MCCC1: variants seen among roughly 807,000 people sequenced by gnomAD.
MCCC1 encodes the protein methylcrotonoyl-CoA carboxylase subunit alpha, mitochondrial.
A neutral mutation model predicts 83.8 loss-of-function variants in MCCC1; 64 were observed. That is an observed-to-expected ratio of 0.76 (90% CI 0.62 to 0.94). MCCC1 has a LOEUF of 0.94. Among genes scored for constraint, MCCC1 ranks in the 40% least tolerant of loss-of-function variants. The pLI, the probability that MCCC1 is intolerant of heterozygous loss-of-function variation, is 0.00. For synonymous variants in MCCC1, 322 were observed against 315.4 expected, an observed-to-expected ratio of 1.02 and a Z score of -0.22; for missense variants, 807 against 904.7, an observed-to-expected ratio of 0.89 and a Z score of 1.39.
chr3:183,114,749 G>C (rs2134429), intron 1 of MCCC1, among the ~76,000 whole-genome samples: 135,968 of 152,228 alleles, frequency 0.89, 60,945 homozygotes, highest in Non-Finnish European at 0.93. Flanking sequence ...TTCTGGAAAC[G>C]GAGCAAGGAA....
At chr3:183,073,794 A>T (rs1273847396) in intron 4 of MCCC1, among the ~76,000 whole-genome samples, 2 of 152,244 alleles carry the variant, frequency 1.3e-5, no homozygotes, top group East Asian at 3.8e-4. Flanking sequence ...TTTTCACTTA[A>T]AAGAAGCATT....
intron 4 of MCCC1, among the ~76,000 whole-genome samples, chr3:183,079,997 C>G (rs908227347): frequency 1.3e-5 from 2 of 152,200 alleles, no homozygotes; most frequent in Admixed American, 1.3e-4. Context: ...GACCAAATCC[C>G]TAGACTGTAC....
chr3:183,058,412 T>C (rs1291123482), intron 7 of MCCC1, among the ~76,000 whole-genome samples: 2 of 152,060 alleles, frequency 1.3e-5, no homozygotes, highest in African/African-American at 4.8e-5. Flanking sequence ...ACCCAGGAGT[T>C]CAAGACCAGC....
upstream of MCCC1, among the ~76,000 whole-genome samples, chr3:183,100,728 C>T (rs970399263): frequency 7.2e-5 from 11 of 152,246 alleles, no homozygotes; most frequent in African/African-American, 2.2e-4. Context: ...GATGTGACAG[C>T]GTGCTGGCAG....
exon 1 of MCCC1, chr3:183,115,639 G>A (rs1241681080): frequency 6.6e-6 from 1 of 152,218 alleles, no homozygotes; most frequent in African/African-American, 2.4e-5. Context: ...ATCATCTGAG[G>A]TCAGGAGTTG....
At chr3:183,070,357 C>T (rs942717518) in intron 7 of MCCC1, among the ~76,000 whole-genome samples, 15 of 151,988 alleles carry the variant, frequency 9.9e-5, no homozygotes, top group South Asian at 2.1e-4. Context: ...ATCATAGAAC[C>T]GCTAGGTCAC....
intron 16 of MCCC1, 35 bp from the exon 17 acceptor site, chr3:183,020,272 C>T (rs1421168081): frequency 6.8e-7 from 1 of 1,464,918 alleles, no homozygotes; most frequent in Non-Finnish European, 9.6e-7. Context: ...ACCGAATCAA[C>T]ATCCTATCAC....
upstream of MCCC1, among the ~76,000 whole-genome samples, chr3:183,102,769 T>TG: frequency 2.5e-5 from 2 of 80,078 alleles, no homozygotes; most frequent in Admixed American, 1.3e-4. Context: ...TTTTTTTTTT[T>TG]TTTTTTTTTT....
chr3:183,055,276 G>A (rs1229960873), intron 8 of MCCC1, among the ~76,000 whole-genome samples: 1 of 151,770 alleles, frequency 6.6e-6, no homozygotes. Context: ...GCCGGGTGTG[G>A]TGGTGGGTGC....
chr3:183,025,064 A>C (rs1712475007), intron 15 of MCCC1, among the ~76,000 whole-genome samples: 1 of 152,198 alleles, frequency 6.6e-6, no homozygotes, highest in Admixed American at 6.5e-5. Flanking sequence ...CAAATACTAC[A>C]TTATTCCGCT....
intron 14 of MCCC1, among the ~76,000 whole-genome samples, chr3:183,028,698 G>A (rs750813711): frequency 3.3e-5 from 5 of 152,226 alleles, no homozygotes; most frequent in Non-Finnish European, 7.3e-5. Context: ...AGGGAGCTAG[G>A]ACTAGAAGTG....
intron 18 of MCCC1, among the ~76,000 whole-genome samples, 182 bp from the exon 19 acceptor site, chr3:183,015,748 A>G (rs1221330199): frequency 3.3e-5 from 5 of 152,154 alleles, no homozygotes; most frequent in Non-Finnish European, 2.9e-5. Context: ...CACAGCACAC[A>G]GGGAGAACAG....
intron 1 of MCCC1, among the ~76,000 whole-genome samples, chr3:183,115,032 C>T (rs1719568233): frequency 6.6e-6 from 1 of 152,086 alleles, no homozygotes; most frequent in African/African-American, 2.4e-5. Flanking sequence ...ACCCATCATT[C>T]CCACACTCCC....
At chr3:183,031,808 CTTTT>C (rs36037059) in intron 14 of MCCC1, among the ~76,000 whole-genome samples, 1 of 140,584 alleles carries the variant, frequency 7.1e-6, no homozygotes, top group Non-Finnish European at 1.5e-5. Flanking sequence ...CTTCTGGTAT[CTTTT>C]TTTTTTTTTT....
rs1223257298 is a variant in MCCC1 at position 183,099,479 on chromosome 3, G to C, written c.-39C>G. 5 of 1,573,650 alleles carry C rather than the reference G, an allele frequency of 3.2e-6. No individual in the cohort carries two copies. Among genetic ancestry groups the C allele is most frequent in the Non-Finnish European group, 4.3e-6 (5 of 1,160,492 alleles). On this transcript the variant is annotated 5_prime_UTR_variant, in exon 1 of 19. Coordinates refer to ENST00000265594, the MANE Select transcript of MCCC1 (RefSeq NM_020166.5). ...GGCCACTCCGTGACTCCCCAGTACA[G>C]AGGCAGCTGCGTCCCACACGCCAAA...
intron 2 of MCCC1, among the ~76,000 whole-genome samples, chr3:183,093,628 C>G (rs765741974): frequency 1.2e-4 from 18 of 151,978 alleles, no homozygotes; most frequent in Non-Finnish European, 2.1e-4. Flanking sequence ...CAATAGAATC[C>G]ATAGGCTCAA....
rs961204825 is a variant in MCCC1, at chr3:183,031,647, A to G, written c.1681+2344T>C. On this transcript the variant is annotated intron_variant, in intron 14 of 18. Transcript: ENST00000265594. Reference sequence around the variant, plus strand: ...TGAGTAGCTGGGACTACAGGCGCCCACCACCATGCCTGGCTAATTTTTTGT... The same window carrying G: ...TGAGTAGCTGGGACTACAGGCGCCCGCCACCATGCCTGGCTAATTTTTTGT... Among the ~76,000 whole-genome samples the G allele has an allele frequency of 4.0e-5, 6 of 151,418 alleles. No individual in the cohort carries two copies. In the East Asian group the frequency reaches 7.8e-4, roughly 20 times the overall value.
At chr3:183,067,678 C>T (rs1312308902) in intron 7 of MCCC1, among the ~76,000 whole-genome samples, 1 of 152,136 alleles carries the variant, frequency 6.6e-6, no homozygotes, top group South Asian at 2.1e-4. Context: ...ACTGGTAATG[C>T]AAATATCTGA....
chr3:183,101,289 G>A (rs114830081), upstream of MCCC1, among the ~76,000 whole-genome samples: 9,427 of 152,330 alleles, frequency 0.062, 461 homozygotes, highest in African/African-American at 0.11. Flanking sequence ...GCGAGCGCAC[G>A]GCGGCGCAGG....
Sources: allele counts gnomAD v4.1 joint callset (sites outside exome capture counted in the v4.1 genomes callset), GRCh38; gene constraint gnomAD v4.1.1; transcripts MANE v1.5; gene names NCBI Gene and HGNC (gene_info 2026-07-23, HGNC 2026-07-21).